Variants in COL28A1 observed in about 807,000 individuals in gnomAD.
COL28A1 encodes the protein collagen type XXVIII alpha 1 chain, also known as collagen alpha-1(XXVIII) chain.
Under a neutral mutation model 150.2 loss-of-function variants are expected in COL28A1, and 161 were observed. The observed-to-expected ratio is 1.07, with a 90% CI of 0.94 to 1.22. The LOEUF (loss-of-function observed/expected upper bound fraction) is 1.22, where lower values mean the gene tolerates loss of function less well. Among genes scored for constraint, COL28A1 ranks in the 50% most tolerant of loss-of-function variants. The pLI is 0.00. For synonymous variants in COL28A1, 552 were observed against 469.7 expected (o/e 1.18, Z -2.26); for missense variants, 1,617 against 1,388.3 (o/e 1.16, Z -2.62).
chr7:7,422,522 G>C (rs1320632987), intron 25 of COL28A1, among the ~76,000 whole-genome samples: 1 of 152,038 alleles, frequency 6.6e-6, no homozygotes, highest in African/African-American at 2.4e-5. Context: ...CCAGCTACTG[G>C]GGAGGCTGAG....
At chr7:7,401,541 T>C (rs903275474) in intron 27 of COL28A1, among the ~76,000 whole-genome samples, 53 of 152,204 alleles carry the variant, frequency 3.5e-4, no homozygotes, top group African/African-American at 1.2e-3. Context: ...TTTCAGAAAA[T>C]GGAAATTTCA....
intron 8 of COL28A1, among the ~76,000 whole-genome samples, chr7:7,513,105 G>C (rs564090109): frequency 6.6e-6 from 1 of 152,310 alleles, no homozygotes; most frequent in Admixed American, 6.5e-5. Flanking sequence ...CCAGCCTGCA[G>C]ACCACAGTTT....
chr7:7,392,593 T>C (rs1229164272), intron 27 of COL28A1, among the ~76,000 whole-genome samples: 2 of 142,888 alleles, frequency 1.4e-5, no homozygotes, highest in Non-Finnish European at 1.6e-5. Flanking sequence ...CCATTCTCAA[T>C]GTCACTTTCA....
chr7:7,419,972 T>A lies in COL28A1; in HGVS notation c.1999-19A>T, dbSNP rs1298244631. 1.9e-6 allele frequency: 3 copies of A among 1,542,562 alleles called. No homozygotes were observed. In the African/African-American group the frequency reaches 4.3e-5, roughly 22 times the overall value. On this transcript the variant is annotated intron_variant, in intron 25 of 34. Coordinates refer to ENST00000399429, the MANE Select transcript of COL28A1 (RefSeq NM_001037763.3). ...GCTCTCCCTGAAAAGACACAACAAA[T>A]AACAAGTTACTAATTTTTTAAAGAC... is the stretch of plus-strand genomic sequence containing the variant.
At chr7:7,398,798 G>A (rs536473184) in intron 27 of COL28A1, among the ~76,000 whole-genome samples, 5 of 152,280 alleles carry the variant, frequency 3.3e-5, no homozygotes, top group Admixed American at 3.3e-4. Flanking sequence ...AGGATGTCTC[G>A]AATGCTGTCT....
In COL28A1 at chr7:7,381,582, G is replaced by A. The variant is rs1410144185; in HGVS notation, c.2167C>T (p.Pro723Ser). ...GEQGPQGFPG[P>S]KGTMGHGLPG... ...AGGCCATGGCCCATTGTGCCCTTTG[G>A]GCCTGGGAAGCCTTGTGGTCCTTGT... The change falls in exon 28 of 35, where the codon CCA (proline) becomes TCA (serine). Residue 723 changes from proline to serine, a missense_variant. Transcript: ENST00000399429. 2 of 1,613,798 alleles carry A rather than the reference G, an allele frequency of 1.2e-6. No individual in the cohort carries two copies. The highest frequency in any genetic ancestry group is 2.2e-5 in the South Asian group (2 of 91,078).
intron 11 of COL28A1, among the ~76,000 whole-genome samples, 188 bp from the exon 12 acceptor site, chr7:7,490,834 C>T (rs1488459101): frequency 6.6e-6 from 1 of 152,190 alleles, no homozygotes; most frequent in African/African-American, 2.4e-5. Context: ...AAATTATCCA[C>T]TAGGCACAGT....
intron 20 of COL28A1, among the ~76,000 whole-genome samples, 169 bp from the exon 21 acceptor site, chr7:7,441,030 G>A (rs1408800856): frequency 6.6e-6 from 1 of 152,238 alleles, no homozygotes; most frequent in Admixed American, 6.5e-5. Context: ...GAGGAGATCA[G>A]ATGACTTCAG....
chr7:7,368,283 C>T (rs915623422), intron 33 of COL28A1, among the ~76,000 whole-genome samples: 2 of 152,128 alleles, frequency 1.3e-5, no homozygotes, highest in African/African-American at 4.8e-5. Context: ...ACCTGTCCAG[C>T]TTTAGCTCTC....
At chr7:7,505,200 T>C (rs1780743993) in intron 11 of COL28A1, among the ~76,000 whole-genome samples, 1 of 152,226 alleles carries the variant, frequency 6.6e-6, no homozygotes, top group African/African-American at 2.4e-5. Flanking sequence ...AACTGCTCCC[T>C]ACAACTTCAG....
chr7:7,438,005 T>C (rs1785470219), intron 21 of COL28A1, among the ~76,000 whole-genome samples: 1 of 151,528 alleles, frequency 6.6e-6, no homozygotes. Flanking sequence ...AGGCCGAGGC[T>C]GGCGGATCAC....
chr7:7,423,546 A>C, intron 25 of COL28A1, among the ~76,000 whole-genome samples: 1 of 130,964 alleles, frequency 7.6e-6, no homozygotes, highest in East Asian at 2.0e-4. Context: ...GGGATGTACC[A>C]AATGTTACAT....
intron 21 of COL28A1, among the ~76,000 whole-genome samples, chr7:7,438,877 T>C (rs1785543875): frequency 6.6e-6 from 1 of 152,232 alleles, no homozygotes; most frequent in Non-Finnish European, 1.5e-5. Flanking sequence ...CATTTTCAAG[T>C]GGTCATTATA....
intron 18 of COL28A1, among the ~76,000 whole-genome samples, chr7:7,448,565 G>C (rs1390238353): frequency 1.3e-5 from 2 of 149,500 alleles, no homozygotes; most frequent in African/African-American, 4.9e-5. Context: ...GTTTACCCAA[G>C]AAAAATAAAA....
intron 26 of COL28A1, 117 bp downstream of exon 26, chr7:7,419,768 G>T: frequency 1.9e-6 from 1 of 513,064 alleles, no homozygotes; most frequent in Non-Finnish European, 3.3e-6. Flanking sequence ...CGTTTCATCA[G>T]TCACCAAGAA....
intron 6 of COL28A1, among the ~76,000 whole-genome samples, chr7:7,518,730 T>G (rs1346433896): frequency 6.6e-6 from 1 of 152,154 alleles, no homozygotes; most frequent in African/African-American, 2.4e-5. Flanking sequence ...AAAGAAATGT[T>G]TTTAAACGTC....
intron 7 of COL28A1, 25 bp downstream of exon 7, chr7:7,517,771 G>C: frequency 6.2e-7 from 1 of 1,613,226 alleles, no homozygotes; most frequent in Non-Finnish European, 8.5e-7. Context: ...ACTTTCTTAG[G>C]AAGGCATTCC....
intron 33 of COL28A1, among the ~76,000 whole-genome samples, chr7:7,363,022 T>C (rs2128279228): frequency 6.6e-6 from 1 of 152,258 alleles, no homozygotes; most frequent in South Asian, 2.1e-4. Context: ...TAAGAAACTT[T>C]CCAAAAGTTA....
chr7:7,493,122 TA>T (rs1403254955), intron 11 of COL28A1, among the ~76,000 whole-genome samples: 6 of 149,856 alleles, frequency 4.0e-5, no homozygotes, highest in African/African-American at 1.2e-4. Flanking sequence ...TTTGTCTGGC[TA>T]AAAAAAATAC....
Sources: allele counts gnomAD v4.1 joint callset (sites outside exome capture counted in the v4.1 genomes callset), GRCh38; gene constraint gnomAD v4.1.1; transcripts MANE v1.5; gene names NCBI Gene and HGNC (gene_info 2026-07-23, HGNC 2026-07-21).